The following WWOX variants were observed in gnomAD, a reference collection of about 807,000 sequenced individuals.
WWOX encodes WW domain-containing oxidoreductase.
WWOX carries 69 observed loss-of-function variants against 46.2 expected under a neutral mutation model. The observed-to-expected ratio is 1.49, with a 90% confidence interval of 1.23 to 1.82. The LOEUF is 1.82. Ranked by LOEUF, WWOX falls within the 40% of genes most tolerant of loss-of-function variation. WWOX has a pLI of 0.00. For synonymous variants in WWOX, 359 were observed against 202.6 expected (o/e 1.77, Z -6.56); for missense variants, 919 against 542.6 (o/e 1.69, Z -6.89).
chr16:78,507,907 C>A (rs1204129461), intron 8 of WWOX, among the ~76,000 whole-genome samples: 4 of 152,126 alleles, frequency 2.6e-5, no homozygotes, highest in South Asian at 2.1e-4. Flanking sequence ...TGGCCCCATA[C>A]GTATTTGTAA....
intron 4 of WWOX, among the ~76,000 whole-genome samples, chr16:78,154,807 A>G (rs536159360): frequency 3.8e-4 from 58 of 152,228 alleles, no homozygotes; most frequent in Middle Eastern, 6.8e-3. Context: ...TCAGTGGGAG[A>G]TGTTCTTTGA....
chr16:78,428,981 C>T (rs1334003791), intron 7 of WWOX, among the ~76,000 whole-genome samples: 1 of 152,174 alleles, frequency 6.6e-6, no homozygotes, highest in Non-Finnish European at 1.5e-5. Context: ...CTGTCAAATT[C>T]TCATCATGGG....
chr16:78,540,165 T>G (rs2043857424), intron 8 of WWOX, among the ~76,000 whole-genome samples: 1 of 151,978 alleles, frequency 6.6e-6, no homozygotes, highest in Admixed American at 6.6e-5. Flanking sequence ...TTCATATATT[T>G]AGGTATAGTT....
intron 8 of WWOX, among the ~76,000 whole-genome samples, chr16:78,652,681 A>C (rs2046993546): frequency 6.6e-6 from 1 of 152,084 alleles, no homozygotes; most frequent in Non-Finnish European, 1.5e-5. Context: ...CATCCTCAAG[A>C]ATTGGGGGCT....
At chr16:78,557,760 A>T (rs2044340627) in intron 8 of WWOX, among the ~76,000 whole-genome samples, 1 of 134,456 alleles carries the variant, frequency 7.4e-6, no homozygotes, top group South Asian at 2.3e-4. Flanking sequence ...CAGTGGCGCG[A>T]TGTCAGCTCA....
chr16:78,732,113 C>T (rs764478500), intron 8 of WWOX, among the ~76,000 whole-genome samples: 12 of 152,062 alleles, frequency 7.9e-5, no homozygotes, highest in Non-Finnish European at 7.4e-5. Context: ...ATCCTCCTGC[C>T]GTGGTCTCCA....
chr16:79,046,430 C>G (rs1035081038), intron 8 of WWOX, among the ~76,000 whole-genome samples: 1 of 152,150 alleles, frequency 6.6e-6, no homozygotes, highest in Non-Finnish European at 1.5e-5. Context: ...GCCTTAACCA[C>G]AATTGTTTTA....
At chr16:79,179,873 A>G (rs1052700536) in intron 8 of WWOX, among the ~76,000 whole-genome samples, 2 of 152,234 alleles carry the variant, frequency 1.3e-5, no homozygotes, top group Admixed American at 6.5e-5. Flanking sequence ...TAAGTACCCT[A>G]TGAACACATT....
intron 5 of WWOX, among the ~76,000 whole-genome samples, chr16:78,346,299 TC>T (rs2081093259): frequency 8.2e-6 from 1 of 121,422 alleles, no homozygotes; most frequent in Non-Finnish European, 2.0e-5. Context: ...ACATTTGGGT[TC>T]TTCCCAGTTT....
chr16:78,411,584 T>C (rs1334813218), intron 6 of WWOX, among the ~76,000 whole-genome samples: 1 of 152,172 alleles, frequency 6.6e-6, no homozygotes, highest in African/African-American at 2.4e-5. Context: ...AATGTCAGGA[T>C]GCATTTGTGT....
intron 6 of WWOX, among the ~76,000 whole-genome samples, chr16:78,420,837 T>C (rs2082910647): frequency 6.6e-6 from 1 of 151,980 alleles, no homozygotes; most frequent in Admixed American, 6.6e-5. Flanking sequence ...AGTTGGAAAA[T>C]ACCAAAAACC....
rs142434245 is a variant in WWOX, at chr16:78,910,389, C to T, written c.1057-301219C>T. On this transcript the variant is annotated intron_variant, in intron 8 of 8. Coordinates refer to ENST00000566780, the MANE Select transcript of WWOX (RefSeq NM_016373.4). ...ACTTGTAGTATGTGCAAGAATTAAG[C>T]TTTTTCTGTATCAAGTCACCGTGTT... Among the ~76,000 whole-genome samples, 335 of 152,040 alleles carry T rather than the reference C, an allele frequency of 2.2e-3. 2 individuals are homozygous for T. Among genetic ancestry groups the T allele is most frequent in the African/African-American group, 7.4e-3 (308 of 41,528 alleles).
Position 78,924,310 on chromosome 16 carries a change from G to C in WWOX, c.1057-287298G>C, listed in dbSNP as rs117373268. On this transcript the variant is annotated intron_variant, in intron 8 of 8. Transcript: ENST00000566780. ...TTTTAGGATTAGGAAGGCTTTTTTA[G>C]GGGGTGGGGTTGCTTTTAAACTTTG... Among the ~76,000 whole-genome samples, 393 of 152,250 alleles carry C rather than the reference G, an allele frequency of 2.6e-3. 10 individuals are homozygous for C. The South Asian group carries it at 0.054, about 21-fold the overall frequency.
At chr16:78,885,992 T>C (rs1020242135) in intron 8 of WWOX, among the ~76,000 whole-genome samples, 2 of 149,850 alleles carry the variant, frequency 1.3e-5, no homozygotes, top group African/African-American at 2.4e-5. Flanking sequence ...TAGCACCATC[T>C]TGGCTTGCTG....
At chr16:78,282,362 G>T (rs2079693664) in intron 5 of WWOX, among the ~76,000 whole-genome samples, 1 of 152,124 alleles carries the variant, frequency 6.6e-6, no homozygotes, top group Non-Finnish European at 1.5e-5. Context: ...TTCGGGATGT[G>T]GCTTCAAAAA....
intron 8 of WWOX, among the ~76,000 whole-genome samples, chr16:78,729,049 C>G (rs922791124): frequency 3.3e-5 from 5 of 152,050 alleles, no homozygotes; most frequent in African/African-American, 7.2e-5. Context: ...AAAGATATCC[C>G]TAAAGACATC....
rs536697289 is a variant in WWOX at position 78,536,709 on chromosome 16, C to CT, written c.1056+103958dup. 3.2e-4 allele frequency among the ~76,000 whole-genome samples: 48 copies of CT among 152,034 alleles called. No individual in the cohort carries two copies. In the East Asian group the frequency reaches 8.0e-3, roughly 25 times the overall value. On this transcript the variant is annotated intron_variant, in intron 8 of 8. Coordinates refer to ENST00000566780, the MANE Select transcript of WWOX (RefSeq NM_016373.4). ...GTGTGGTCTCTGATGCTGATCATGACTATGAAAAGGGAAAATGGAGGAGAA... is the reference window on the plus strand; with the variant it reads ...GTGTGGTCTCTGATGCTGATCATGACTTATGAAAAGGGAAAATGGAGGAGAA...
At chr16:78,840,594 C>T (rs1200584999) in intron 8 of WWOX, among the ~76,000 whole-genome samples, 1 of 152,004 alleles carries the variant, frequency 6.6e-6, no homozygotes, top group East Asian at 1.9e-4. Flanking sequence ...AACTCAGTAT[C>T]TACTCTAGTA....
In WWOX at chr16:78,571,098, G is replaced by C. The variant is rs148792057; in HGVS notation, c.1056+138346G>C. Among the ~76,000 whole-genome samples, 179 of 152,264 alleles carry C rather than the reference G, an allele frequency of 1.2e-3. 1 individual carries two copies. Among genetic ancestry groups the C allele is most frequent in the African/African-American group, 4.1e-3 (172 of 41,564 alleles). ...TTGCTCCTTTCTTTATCTGCAATGG[G>C]AAAGCTTACTGTAGTTACTTACAGT... On this transcript the variant is annotated intron_variant, in intron 8 of 8. Transcript: ENST00000566780.
Sources: gnomAD v4.1 joint callset for allele counts (sites outside exome capture counted in the v4.1 genomes callset) on GRCh38, gnomAD v4.1.1 for gene constraint, MANE v1.5 for transcripts, NCBI Gene and HGNC (gene_info 2026-07-23, HGNC 2026-07-21) for gene names.